Variants in KIAA0825 observed in about 807,000 individuals in gnomAD.
The protein encoded by KIAA0825 is KIAA0825.
A neutral mutation model predicts 147.6 loss-of-function variants in KIAA0825; 119 were observed. The ratio of observed to expected loss-of-function variants is 0.81; its 90% CI spans 0.69 to 0.94. KIAA0825 has a LOEUF of 0.94. KIAA0825 is among the 40% of genes least tolerant of loss of function. The pLI, the probability that KIAA0825 is intolerant of heterozygous loss-of-function variation, is 0.00. For synonymous variants in KIAA0825, 470 were observed against 518.1 expected (o/e 0.91, Z 1.26); for missense variants, 1,381 against 1,472.7 (o/e 0.94, Z 1.02).
At chr5:94,237,011 C>T (rs1775077884) in intron 20 of KIAA0825, among the ~76,000 whole-genome samples, 1 of 151,456 alleles carries the variant, frequency 6.6e-6, no homozygotes, top group African/African-American at 2.4e-5. Flanking sequence ...ACCAAACTGA[C>T]AATATCTCTG....
chr5:94,285,668 C>G (rs1248994474), intron 20 of KIAA0825, among the ~76,000 whole-genome samples: 1 of 152,144 alleles, frequency 6.6e-6, no homozygotes, highest in Non-Finnish European at 1.5e-5. Context: ...AGTTTGTCAG[C>G]AGGTTTACAC....
intron 20 of KIAA0825, among the ~76,000 whole-genome samples, chr5:94,224,393 G>T (rs767006825): frequency 6.6e-6 from 1 of 151,470 alleles, no homozygotes; most frequent in African/African-American, 2.4e-5. Context: ...ATTGTCCCTT[G>T]CCCATCAACT....
intron 20 of KIAA0825, among the ~76,000 whole-genome samples, chr5:94,197,491 G>A (rs1019580807): frequency 2.0e-5 from 3 of 152,006 alleles, no homozygotes; most frequent in Non-Finnish European, 4.4e-5. Flanking sequence ...CTTTCTATTT[G>A]TGGTTTTGTT....
intron 20 of KIAA0825, among the ~76,000 whole-genome samples, chr5:94,269,586 G>C (rs1776892055): frequency 6.6e-6 from 1 of 151,994 alleles, no homozygotes; most frequent in Non-Finnish European, 1.5e-5. Context: ...AAGGAATTAA[G>C]AGAGAAATTA....
chr5:94,495,019 T>C (rs1764195508), intron 5 of KIAA0825, among the ~76,000 whole-genome samples: 1 of 152,218 alleles, frequency 6.6e-6, no homozygotes. Flanking sequence ...CACAGCCTTT[T>C]AAAAGAAGTG....
At chr5:94,154,225 A>T (rs1235065216) in intron 20 of KIAA0825, 101 bp from the exon 21 acceptor site, 1 of 742,502 alleles carries the variant, frequency 1.3e-6, no homozygotes, top group African/African-American at 1.7e-5. Flanking sequence ...TTATTGAGTC[A>T]TCTGTCTCTC....
intron 12 of KIAA0825, among the ~76,000 whole-genome samples, chr5:94,460,278 G>A (rs576728087): frequency 9.2e-5 from 14 of 152,142 alleles, no homozygotes; most frequent in Middle Eastern, 3.4e-3. Flanking sequence ...TTTCCCTGGA[G>A]AACAAAGTTG....
At chr5:94,409,458 T>C (rs1469958070) in intron 15 of KIAA0825, among the ~76,000 whole-genome samples, 1 of 152,114 alleles carries the variant, frequency 6.6e-6, no homozygotes, top group Non-Finnish European at 1.5e-5. Flanking sequence ...CTCACTGAGA[T>C]GAAGAGTCAG....
At chr5:94,466,859 A>C (rs893980596) in intron 10 of KIAA0825, among the ~76,000 whole-genome samples, 4 of 152,114 alleles carry the variant, frequency 2.6e-5, no homozygotes, top group Admixed American at 1.3e-4. Flanking sequence ...TAAACCAAGA[A>C]AGGAGTTTTA....
At chr5:94,334,952 A>G (rs1299043921) in intron 20 of KIAA0825, among the ~76,000 whole-genome samples, 1 of 152,216 alleles carries the variant, frequency 6.6e-6, no homozygotes, top group East Asian at 1.9e-4. Context: ...TGATACACCA[A>G]ATTATGATGC....
chr5:94,532,980 C>CTTTTT (rs1163019137), intron 3 of KIAA0825, among the ~76,000 whole-genome samples: 1 of 140,116 alleles, frequency 7.1e-6, no homozygotes, highest in African/African-American at 2.6e-5. Flanking sequence ...CATTCTGTGT[C>CTTTTT]TTTTTTTTTT....
chr5:94,293,929 T>G (rs1028322021), intron 20 of KIAA0825, among the ~76,000 whole-genome samples: 1 of 152,212 alleles, frequency 6.6e-6, no homozygotes, highest in African/African-American at 2.4e-5. Context: ...AGATTAAGAT[T>G]GTAACCCCTG....
chr5:94,386,151 CTTATGA>C (rs1749110114), intron 19 of KIAA0825, 85 bp downstream of exon 19: 1 of 1,153,972 alleles, frequency 8.7e-7, no homozygotes, highest in Non-Finnish European at 1.2e-6. Context: ...GCAAAATAAG[CTTATGA>C]GTAAATACTC....
At chr5:94,298,067 A>C (rs1778219703) in intron 20 of KIAA0825, among the ~76,000 whole-genome samples, 1 of 150,828 alleles carries the variant, frequency 6.6e-6, no homozygotes, top group Non-Finnish European at 1.5e-5. Flanking sequence ...CAACATAGTG[A>C]AAACCCGTCT....
intron 13 of KIAA0825, among the ~76,000 whole-genome samples, chr5:94,444,153 G>A (rs1420779690): frequency 2.6e-5 from 4 of 152,110 alleles, no homozygotes; most frequent in Admixed American, 2.0e-4. Context: ...GCAAATTTGT[G>A]CTTTCTATCG....
chr5:94,462,332 T>G, intron 12 of KIAA0825, 55 bp downstream of exon 12: 1 of 896,824 alleles, frequency 1.1e-6, no homozygotes, highest in Non-Finnish European at 1.6e-6. Context: ...TGAAAATAAC[T>G]TTGTTAATCA....
chr5:94,560,555 TAC>T (rs1318926948), intron 2 of KIAA0825, among the ~76,000 whole-genome samples: 5 of 152,358 alleles, frequency 3.3e-5, no homozygotes, highest in Admixed American at 2.6e-4. Flanking sequence ...AAGAATATGC[TAC>T]AGAGGCCATA....
At chr5:94,288,926 A>G (rs1777767943) in intron 20 of KIAA0825, among the ~76,000 whole-genome samples, 1 of 152,136 alleles carries the variant, frequency 6.6e-6, no homozygotes, top group Non-Finnish European at 1.5e-5. Context: ...TGTGAGCTGC[A>G]TTTGGCAACA....
Position 94,439,589 on chromosome 5 carries a change from G to C in KIAA0825, c.2497+393C>G, listed in dbSNP as rs542581470. 3.0e-4 allele frequency among the ~76,000 whole-genome samples: 45 copies of C among 152,078 alleles called. No individual in the cohort carries two copies. The South Asian group carries it at 8.9e-3, about 30-fold the overall frequency. On this transcript the variant is annotated intron_variant, in intron 14 of 20. Transcript: ENST00000682413. ...TTCGTGATACACTGAAATTCCCAGT[G>C]TTAATCTAATACTCTGTCTCTGTCT...
Sources: allele counts gnomAD v4.1 joint callset (sites outside exome capture counted in the v4.1 genomes callset), GRCh38; gene constraint gnomAD v4.1.1; transcripts MANE v1.5; gene names NCBI Gene and HGNC (gene_info 2026-07-23, HGNC 2026-07-21).